QPCTL: variants seen among roughly 807,000 people sequenced by gnomAD.
QPCTL encodes glutaminyl-peptide cyclotransferase-like protein.
In QPCTL, 31 loss-of-function variants were observed where a neutral mutation model predicts 34.6. The observed-to-expected ratio is 0.90, with a 90% CI of 0.67 to 1.21. QPCTL has a LOEUF of 1.21. QPCTL is among the 50% of genes most tolerant of loss of function. QPCTL has a pLI of 0.00. For missense variants in QPCTL, 474 were observed against 507.8 expected (o/e 0.93, Z 0.64); for synonymous variants, 223 against 226.9 (o/e 0.98, Z 0.15).
At chr19:45,695,122 C>T (rs938960532) in intron 2 of QPCTL, among the ~76,000 whole-genome samples, 2 of 151,832 alleles carry the variant, frequency 1.3e-5, no homozygotes, top group African/African-American at 2.4e-5. Flanking sequence ...CCCATCTCTA[C>T]TAAAAATACA....
intron 6 of QPCTL, among the ~76,000 whole-genome samples, 162 bp from the exon 7 acceptor site, chr19:45,702,742 C>T (rs372686748): frequency 2.7e-5 from 4 of 149,600 alleles, no homozygotes; most frequent in African/African-American, 9.9e-5. Flanking sequence ...CCAGCCTGGG[C>T]GACAGAGTGA....
In QPCTL at chr19:45,695,479, G is replaced by T. The variant is rs757473815; in HGVS notation, c.394G>T (p.Val132Leu). The T allele has an allele frequency of 1.2e-6, 2 of 1,612,720 alleles. No homozygotes were observed. Among genetic ancestry groups the T allele is most frequent in the Non-Finnish European group, 8.5e-7 (1 of 1,179,314 alleles). Residue 132 changes from valine to leucine, a missense_variant, in exon 3 of 7, where the codon GTG becomes TTG. Physicochemically the swap from Val to Leu is conservative, Grantham distance 32 (BLOSUM62 1). Transcript: ENST00000012049. The stretch of plus-strand genomic sequence containing the variant: ...GCGGTCCCTGACAGCAGGTTGGCAC[G>T]TGGAGCTGGATCCCTTCACAGCCTC... ...TLRSLTAGWH[V>L]ELDPFTASTP...
rs537840106 is a variant in QPCTL, at chr19:45,699,261, G to A, written c.886+361G>A. Among the ~76,000 whole-genome samples, 15 of 151,836 alleles carry A rather than the reference G, an allele frequency of 9.9e-5. No individual in the cohort carries two copies. In the East Asian group the frequency reaches 2.6e-3, roughly 26 times the overall value. ...TTGGCCAAGCTGGTCTTGAACTCCT[G>A]ACCTCGTGATCCGTCCACCTCAGCC... On this transcript the variant is annotated intron_variant, in intron 5 of 6. Transcript: ENST00000012049.
At chr19:45,695,118 T>G (rs928908395) in intron 2 of QPCTL, among the ~76,000 whole-genome samples, 34 of 151,940 alleles carry the variant, frequency 2.2e-4, no homozygotes, top group South Asian at 4.2e-4. Flanking sequence ...AAACCCCATC[T>G]CTACTAAAAA....
Position 45,703,055 on chromosome 19 carries a change from T to A in QPCTL, c.*6T>A. The A allele has an allele frequency of 6.2e-7, 1 of 1,614,166 alleles. No individual in the cohort carries two copies. The highest frequency in any genetic ancestry group is 8.5e-7 in the Non-Finnish European group (1 of 1,179,996). The stretch of plus-strand genomic sequence containing the variant: ...CTGAATACCTGGGGCTCTAGCGTGC[T>A]TGGCCAATGACTGTGGAGAGGACTG... On this transcript the variant is annotated 3_prime_UTR_variant, in exon 7 of 7. Transcript: ENST00000012049.
Position 45,698,873 on chromosome 19 carries a change from C to T in QPCTL, c.859C>T (p.Arg287Cys), listed in dbSNP as rs145016874. ...CTACAGCCACTTCCCTCGCACGGTCCGCTGGTTCCATCGGCTGAGGAGCAT... is the reference window on the plus strand; with the variant it reads ...CTACAGCCACTTCCCTCGCACGGTCTGCTGGTTCCATCGGCTGAGGAGCAT... ...TFYSHFPRTVRWFHRLRSIEK... is the reference protein window; with the variant it reads ...TFYSHFPRTVCWFHRLRSIEK... Residue 287 changes from arginine to cysteine, a missense_variant, in exon 5 of 7, where the codon CGC becomes TGC. Coordinates refer to ENST00000012049, the MANE Select transcript of QPCTL (RefSeq NM_017659.4). 1,700 of 1,613,990 alleles carry T rather than the reference C, an allele frequency of 1.1e-3. No individual in the cohort carries two copies. The highest frequency in any genetic ancestry group is 1.3e-3 in the Non-Finnish European group (1,538 of 1,179,948).
rs931903160 is a variant in QPCTL, at chr19:45,702,814, G to A, written c.1004-90G>A. On this transcript the variant is annotated intron_variant, in intron 6 of 6. Coordinates refer to ENST00000012049, the MANE Select transcript of QPCTL (RefSeq NM_017659.4). Reference sequence around the variant, plus strand: ...ATAGTATCTTTCACCAGTGTGTGGTGGCAAGGCAAGGTTACCTAGAGGTTG... The same window carrying A: ...ATAGTATCTTTCACCAGTGTGTGGTAGCAAGGCAAGGTTACCTAGAGGTTG... The A allele has an allele frequency of 2.7e-6, 4 of 1,497,242 alleles. No individual in the cohort carries two copies. In the African/African-American group the frequency reaches 5.5e-5, roughly 21 times the overall value. The allele number at this position is 1,497,242 out of a possible 1,614,324, so 92.7% of individuals were successfully genotyped here.
rs755765114 is a variant in QPCTL, at chr19:45,702,909, C to T, written c.1009C>T (p.Pro337Ser). The change falls in exon 7 of 7, where the codon CCC becomes TCC. Residue 337 changes from proline (P) to serine (S), a missense_variant. By Grantham distance (74) the Pro-to-Ser change is moderately conservative (BLOSUM62 -1). Coordinates refer to ENST00000012049, the MANE Select transcript of QPCTL (RefSeq NM_017659.4). ...DHIPFLRRGV[P>S]VLHLISTPFP... The stretch of plus-strand genomic sequence containing the variant: ...AGTCTCCTCTGTCACTTCAGGGGTA[C>T]CCGTGCTCCATCTCATCTCCACGCC... 3.7e-6 allele frequency: 6 copies of T among 1,613,986 alleles called. No individual in the cohort carries two copies. In the South Asian group the frequency reaches 4.4e-5, roughly 12 times the overall value.
chr19:45,700,303 G>A (rs1967785016), intron 5 of QPCTL, among the ~76,000 whole-genome samples: 1 of 151,646 alleles, frequency 6.6e-6, no homozygotes, highest in African/African-American at 2.4e-5. Flanking sequence ...AAATTAGCTG[G>A]GTGTGGTAGC....
intron 3 of QPCTL, among the ~76,000 whole-genome samples, chr19:45,698,071 T>C (rs1967733909): frequency 6.6e-6 from 1 of 151,808 alleles, no homozygotes. Flanking sequence ...GGTGAAAGCT[T>C]GTCTCTACTA....
At chr19:45,701,126 A>AGTG (rs1568540243) in intron 5 of QPCTL, among the ~76,000 whole-genome samples, 4 of 151,826 alleles carry the variant, frequency 2.6e-5, no homozygotes, top group African/African-American at 9.7e-5. Context: ...ACACACACAC[A>AGTG]CACACACAAT....
Position 45,701,915 on chromosome 19 carries a change from G to A in QPCTL, c.1003+1G>A, listed in dbSNP as rs755717792. 4.4e-6 allele frequency: 7 copies of A among 1,606,614 alleles called. No individual in the cohort carries two copies. The East Asian group carries it at 1.1e-4, about 26-fold the overall frequency. On this transcript the variant is annotated splice_donor_variant, in intron 6 of 6. Transcript: ENST00000012049. LOFTEE classifies it high-confidence loss of function. ...GACCACATCCCCTTCCTCCGCAGAG[G>A]TACCAGCTGCAGGGAGGGATGGAGG... is the stretch of plus-strand genomic sequence containing the variant.
chr19:45,699,017 T>C lies in QPCTL; in HGVS notation c.886+117T>C, dbSNP rs958225517. ...GGCTCATCCACCAGTCTGGGCCACA[T>C]AGGGAGACCCCATCTTTTTTTTTTT... On this transcript the variant is annotated intron_variant, in intron 5 of 6. Coordinates refer to ENST00000012049, the MANE Select transcript of QPCTL (RefSeq NM_017659.4). 7.0e-6 allele frequency: 5 copies of C among 711,820 alleles called. No homozygotes were observed. In the Admixed American group the frequency reaches 8.5e-5, roughly 12 times the overall value. 44.1% of individuals were successfully genotyped at this position (711,820 alleles called of 1,614,324 possible).
chr19:45,697,166 C>T (rs1447182803), intron 3 of QPCTL, among the ~76,000 whole-genome samples: 3 of 151,810 alleles, frequency 2.0e-5, no homozygotes, highest in Non-Finnish European at 4.4e-5. Context: ...GTGGCTCACA[C>T]CTGTAATCCC....
At chr19:45,702,670 G>A (rs369196888) in intron 6 of QPCTL, among the ~76,000 whole-genome samples, 2 of 151,788 alleles carry the variant, frequency 1.3e-5, no homozygotes, top group African/African-American at 4.8e-5. Context: ...AGGCTAAGAC[G>A]GTAGAATCGC....
At chr19:45,701,209 A>G (rs1326803202) in intron 5 of QPCTL, among the ~76,000 whole-genome samples, 4 of 151,982 alleles carry the variant, frequency 2.6e-5, no homozygotes, top group Non-Finnish European at 4.4e-5. Context: ...CACTTAGGCC[A>G]GCGAGATTAA....
At position 45,693,788 on chromosome 19, in the gene QPCTL, T is replaced by G. The variant is rs189517424; in HGVS notation, c.351+232T>G. On this transcript the variant is annotated intron_variant, in intron 2 of 6. Transcript: ENST00000012049. ...ATAGGCAACAGACAGCCCTATAAGG[T>G]GGGTACCAATATGATCTTCATTATG... is the stretch of plus-strand genomic sequence containing the variant. 1.2e-3 allele frequency among the ~76,000 whole-genome samples: 185 copies of G among 152,182 alleles called. 1 individual carries two copies. Among genetic ancestry groups the G allele is most frequent in the African/African-American group, 4.4e-3 (182 of 41,512 alleles).
intron 3 of QPCTL, among the ~76,000 whole-genome samples, chr19:45,698,275 CAAAA>C (rs1445535588): frequency 6.6e-6 from 1 of 150,692 alleles, no homozygotes; most frequent in Non-Finnish European, 1.5e-5. Context: ...AAAAAAAAAA[CAAAA>C]AACCTCTTAT....
rs397800069 is a variant in QPCTL, at chr19:45,703,976, A to AT, written c.*933dup. 1.3e-5 allele frequency: 2 copies of AT among 151,828 alleles called. No homozygotes were observed. The highest frequency in any genetic ancestry group is 1.3e-4 in the Admixed American group (2 of 15,230). 9.4% of individuals were successfully genotyped at this position (151,828 alleles called of 1,614,324 possible). A position where few individuals can be genotyped will look rare whatever the true frequency, so the allele number is the denominator to read the frequency against. ...TCAATAAATAAATAAATAAATAAAT[A>AT]TTTTTTAAAAAGAGTAAAAGACTAA... On this transcript the variant is annotated 3_prime_UTR_variant, in exon 7 of 7. Coordinates refer to ENST00000012049, the MANE Select transcript of QPCTL (RefSeq NM_017659.4).
Sources: allele counts gnomAD v4.1 joint callset (sites outside exome capture counted in the v4.1 genomes callset), GRCh38; gene constraint gnomAD v4.1.1; transcripts MANE v1.5; gene names NCBI Gene and HGNC (gene_info 2026-07-23, HGNC 2026-07-21).